Variants in CFAP418 observed in about 807,000 individuals in gnomAD.
The protein encoded by CFAP418 is cilia and flagella associated protein 418, also known as cilia- and flagella-associated protein 418.
In CFAP418, 27 loss-of-function variants were observed where a neutral mutation model predicts 24.7. The ratio of observed to expected loss-of-function variants is 1.09; its 90% CI spans 0.81 to 1.51. The LOEUF is 1.51. Among genes scored for constraint, CFAP418 ranks in the 40% most tolerant of loss-of-function variants. The probability of loss-of-function intolerance (pLI) is 0.00; values close to 1 mark genes in which losing one functional copy is unlikely to be tolerated. For synonymous variants in CFAP418, 74 were observed against 87.3 expected (o/e 0.85, Z 0.85); for missense variants, 257 against 255.2 (o/e 1.01, Z -0.05).
intron 5 of CFAP418, among the ~76,000 whole-genome samples, 175 bp downstream of exon 5, chr8:95,252,013 T>C (rs962484827): frequency 1.4e-5 from 2 of 138,484 alleles, no homozygotes; most frequent in African/African-American, 4.9e-5. Context: ...GGAACCACCA[T>C]GTATATATAT....
At position 95,260,493 on chromosome 8, in the gene CFAP418, C is replaced by A; in HGVS notation, c.283G>T (p.Ala95Ser). The A allele has an allele frequency of 6.3e-7, 1 of 1,590,560 alleles. No individual in the cohort carries two copies. Among genetic ancestry groups the A allele is most frequent in the Admixed American group, 1.9e-5 (1 of 53,566 alleles). The change falls in exon 3 of 6, where the codon GCT becomes TCT. Residue 95 changes from alanine to serine, a missense_variant. Ala to Ser is a moderately conservative substitution (Grantham distance 99, BLOSUM62 1). Transcript: ENST00000286688. ...CTTTTACCAAGGCCTTCAATGGAAG[C>A]TCTGACAGATGTGTTACCTGAAGAT... ...SKSSGNTSVR[A>S]SIEGLGKSCS... is the part of the protein sequence containing the mutation.
rs368926990 is a variant in CFAP418, at chr8:95,268,831, C to CG, written c.155+203dup. On this transcript the variant is annotated intron_variant, in intron 1 of 5. Transcript: ENST00000286688. ...GGGGCATGCCGGGGGGCGGAGTCTG[C>CG]GCTGAGTGAAGAGGTGCCAGAATCC... The CG allele has an allele frequency of 2.2e-3, 1,125 of 514,282 alleles. 17 individuals carry two copies. The highest frequency in any genetic ancestry group is 0.021 in the African/African-American group (1,058 of 51,108). The allele number at this position is 514,282 out of a possible 1,614,324, so 31.9% of individuals were successfully genotyped here.
chr8:95,266,181 C>T (rs1811976617), intron 1 of CFAP418, among the ~76,000 whole-genome samples: 1 of 152,102 alleles, frequency 6.6e-6, no homozygotes, highest in East Asian at 1.9e-4. Context: ...ATAACATATA[C>T]AAAGCACTTA....
rs372353759 is a variant in CFAP418 at position 95,246,042 on chromosome 8, G to A, written c.*1575C>T. The stretch of plus-strand genomic sequence containing the variant: ...CTCACTGTGTTGTCCAGGCTGGAGC[G>A]CAGTGGCGCGACCTTGGCTCACTAC... On this transcript the variant is annotated 3_prime_UTR_variant, in exon 6 of 6. Coordinates refer to ENST00000286688, the MANE Select transcript of CFAP418 (RefSeq NM_177965.4). The A allele has an allele frequency of 4.6e-5, 7 of 151,030 alleles. No individual in the cohort carries two copies. The highest frequency in any genetic ancestry group is 2.1e-4 in the South Asian group (1 of 4,814). 9.4% of individuals were successfully genotyped at this position (151,030 alleles called of 1,614,324 possible). A position where few individuals can be genotyped will look rare whatever the true frequency, so the allele number is the denominator to read the frequency against.
Position 95,247,339 on chromosome 8 carries a change from C to T in CFAP418, c.*278G>A. On this transcript the variant is annotated 3_prime_UTR_variant, in exon 6 of 6. Coordinates refer to ENST00000286688, the MANE Select transcript of CFAP418 (RefSeq NM_177965.4). ...AAAACTAGATATTTGTATGGAACTC[C>T]ATAATCAAACCTCTATTAAACAGAA... 2.5e-6 allele frequency: 1 copy of T among 393,314 alleles called. No homozygotes were observed. The highest frequency in any genetic ancestry group is 4.6e-6 in the Non-Finnish European group (1 of 217,504). 24.4% of individuals were successfully genotyped at this position (393,314 alleles called of 1,614,324 possible). A position where few individuals can be genotyped will look rare whatever the true frequency, so the allele number is the denominator to read the frequency against.
chr8:95,244,964 TAC>T lies in CFAP418; in HGVS notation c.*2651_*2652del, dbSNP rs1811592542. On this transcript the variant is annotated 3_prime_UTR_variant, in exon 6 of 6. Transcript: ENST00000286688. Reference sequence around the variant, plus strand: ...ACTATAAAATAAAAGAAGTAAATAATACAGAGTAATTATTTATTACTTATTCA... The same window carrying T: ...ACTATAAAATAAAAGAAGTAAATAATAGAGTAATTATTTATTACTTATTCA... The T allele has an allele frequency of 6.6e-6, 1 of 151,952 alleles. No individual in the cohort carries two copies. Among genetic ancestry groups the T allele is most frequent in the Admixed American group, 6.6e-5 (1 of 15,254 alleles). The allele number at this position is 151,952 out of a possible 1,614,324, so 9.4% of individuals were successfully genotyped here. A position where few individuals can be genotyped will look rare whatever the true frequency, so the allele number is the denominator to read the frequency against.
At chr8:95,254,576 TTTGTCC>T (rs1397624596) in intron 4 of CFAP418, among the ~76,000 whole-genome samples, 3 of 152,234 alleles carry the variant, frequency 2.0e-5, no homozygotes, top group Non-Finnish European at 4.4e-5. Context: ...GCTTTGTTCT[TTTGTCC>T]AGCTAAAAAG....
chr8:95,252,743 ATTTG>A (rs1811728538), intron 4 of CFAP418, among the ~76,000 whole-genome samples: 1 of 152,236 alleles, frequency 6.6e-6, no homozygotes, highest in Non-Finnish European at 1.5e-5. Context: ...AAAAGATTGT[ATTTG>A]TTTGCTTCCT....
intron 5 of CFAP418, among the ~76,000 whole-genome samples, chr8:95,248,798 T>C (rs1049007663): frequency 3.9e-5 from 6 of 152,056 alleles, no homozygotes; most frequent in South Asian, 2.1e-4. Context: ...CGAAATACAG[T>C]ATGAATACCA....
chr8:95,255,570 T>C (rs1192984548), intron 4 of CFAP418, among the ~76,000 whole-genome samples: 1 of 152,212 alleles, frequency 6.6e-6, no homozygotes, highest in Non-Finnish European at 1.5e-5. Flanking sequence ...TACTTATTTG[T>C]GGAATAATCT....
At position 95,259,900 on chromosome 8, in the gene CFAP418, C is replaced by T; in HGVS notation, c.314G>A (p.Ser105Asn). Residue 105 changes from serine to asparagine, a missense_variant, in exon 4 of 6, where the codon AGT (serine) becomes AAT (asparagine). By Grantham distance (46) the Ser-to-Asn change is conservative. Coordinates refer to ENST00000286688, the MANE Select transcript of CFAP418 (RefSeq NM_177965.4). ...AGAGCTTCCACCAAGGTACACCGGA[C>T]TGCAACTAGATGTGTTCAACAGATG... ...ASIEGLGKSC[S>N]PVYLGGSSIP... The T allele has an allele frequency of 6.2e-7, 1 of 1,604,242 alleles. No homozygotes were observed.
intron 5 of CFAP418, 68 bp from the exon 6 acceptor site, chr8:95,247,838 A>G (rs1304109680): frequency 4.2e-6 from 6 of 1,423,672 alleles, no homozygotes; most frequent in Non-Finnish European, 5.6e-6. Context: ...AAAAAAAAAA[A>G]AAAGGTCATT....
intron 4 of CFAP418, among the ~76,000 whole-genome samples, chr8:95,254,053 C>T (rs1335918147): frequency 6.6e-6 from 1 of 152,202 alleles, no homozygotes; most frequent in African/African-American, 2.4e-5. Context: ...CAAACACTGT[C>T]CTTTGAGAAA....
intron 5 of CFAP418, among the ~76,000 whole-genome samples, chr8:95,249,617 C>T (rs993361013): frequency 6.6e-6 from 1 of 151,782 alleles, no homozygotes; most frequent in Non-Finnish European, 1.5e-5. Flanking sequence ...TGCAGTCCTG[C>T]ACTCTAGCCT....
At chr8:95,252,454 G>A (rs1218383188) in intron 4 of CFAP418, among the ~76,000 whole-genome samples, 171 bp from the exon 5 acceptor site, 1 of 152,154 alleles carries the variant, frequency 6.6e-6, no homozygotes, top group Admixed American at 6.5e-5. Flanking sequence ...ATTATTTACG[G>A]TCTAAACCTT....
At chr8:95,267,449 A>T (rs2132167638) in intron 1 of CFAP418, among the ~76,000 whole-genome samples, 1 of 152,256 alleles carries the variant, frequency 6.6e-6, no homozygotes, top group South Asian at 2.1e-4. Context: ...GAAATACAAA[A>T]AATTAGCCAG....
At position 95,247,630 on chromosome 8, in the gene CFAP418, C is replaced by A; in HGVS notation, c.611G>T (p.Cys204Phe). The A allele has an allele frequency of 6.2e-7, 1 of 1,614,212 alleles. No homozygotes were observed. Among genetic ancestry groups the A allele is most frequent in the South Asian group, 1.1e-5 (1 of 91,086 alleles). ...LQTDHQLRWVCGKH is the reference protein window; with the variant it reads ...LQTDHQLRWVFGKH ...CAGTCTGCATTCTTAATGTTTACCA[C>A]AAACCCAGCGAAGCTGATGATCTGT... Residue 204 changes from cysteine to phenylalanine, a missense_variant, in exon 6 of 6, where the codon TGT (cysteine) becomes TTT (phenylalanine). By Grantham distance (205) the Cys-to-Phe change is radical. Transcript: ENST00000286688.
intron 4 of CFAP418, among the ~76,000 whole-genome samples, chr8:95,254,827 T>C (rs1811762126): frequency 6.6e-6 from 1 of 152,238 alleles, no homozygotes; most frequent in Non-Finnish European, 1.5e-5. Flanking sequence ...GAAAGCATAA[T>C]GGATTAGGAA....
chr8:95,251,480 G>A (rs1029154550), intron 5 of CFAP418, among the ~76,000 whole-genome samples: 2 of 152,196 alleles, frequency 1.3e-5, no homozygotes, highest in Non-Finnish European at 2.9e-5. Flanking sequence ...GGATGGATGG[G>A]AGCTGGATTA....
Sources: gnomAD v4.1 joint callset for allele counts (sites outside exome capture counted in the v4.1 genomes callset) on GRCh38, gnomAD v4.1.1 for gene constraint, MANE v1.5 for transcripts, NCBI Gene and HGNC (gene_info 2026-07-23, HGNC 2026-07-21) for gene names.